TPTE: variants seen among roughly 807,000 people sequenced by gnomAD.
The protein encoded by TPTE is putative tyrosine-protein phosphatase TPTE.
A neutral mutation model predicts 84.1 loss-of-function variants in TPTE; 59 were observed. That is an observed-to-expected ratio of 0.70 (90% CI 0.57 to 0.87). TPTE has a LOEUF of 0.87. Among genes scored for constraint, TPTE ranks in the 40% least tolerant of loss-of-function variants. TPTE has a pLI of 0.00. For synonymous variants in TPTE, 130 were observed against 223.5 expected (o/e 0.58, Z 3.73); for missense variants, 382 against 659.6 (o/e 0.58, Z 4.61).
At chr21:10,546,747 G>A in intron 7 of TPTE, among the ~76,000 whole-genome samples, 1 of 152,306 alleles carries the variant, frequency 6.6e-6, no homozygotes, top group East Asian at 1.9e-4. Flanking sequence ...TCCAGGACAA[G>A]GCCCTCACTC....
intron 21 of TPTE, among the ~76,000 whole-genome samples, chr21:10,601,200 G>C (rs1377402874): frequency 3.7e-3 from 559 of 150,618 alleles, no homozygotes; most frequent in African/African-American, 0.013. Flanking sequence ...TTAAAAGTGC[G>C]GCACTTTTGA....
chr21:10,541,808 G>A (rs9325344), intron 5 of TPTE, among the ~76,000 whole-genome samples: 17,973 of 145,380 alleles, frequency 0.12, no homozygotes, highest in Middle Eastern at 0.2. Flanking sequence ...GGAGTGAGGA[G>A]GAGGTAGGAG....
chr21:10,594,487 T>C (rs1038026293), intron 19 of TPTE, among the ~76,000 whole-genome samples: 3 of 152,430 alleles, frequency 2.0e-5, no homozygotes, highest in African/African-American at 7.2e-5. Flanking sequence ...GTGTTGGTTG[T>C]ATTAATTTCT....
At chr21:10,569,890 T>A in intron 13 of TPTE, 144 bp downstream of exon 13, 1 of 1,579,350 alleles carries the variant, frequency 6.3e-7, no homozygotes, top group Non-Finnish European at 8.7e-7. Flanking sequence ...GTGACATATT[T>A]GTGGTTTAGC....
chr21:10,552,870 G>C (rs1279819997), intron 8 of TPTE, among the ~76,000 whole-genome samples, 154 bp downstream of exon 8: 15 of 152,414 alleles, frequency 9.8e-5, no homozygotes, highest in African/African-American at 3.6e-4. Context: ...TACTCCAGTT[G>C]AATTCTTAGA....
chr21:10,566,236 C>T (rs1433822409), intron 10 of TPTE, among the ~76,000 whole-genome samples: 2 of 152,308 alleles, frequency 1.3e-5, no homozygotes, highest in Non-Finnish European at 2.9e-5. Flanking sequence ...AGATGGTAAA[C>T]AGGCATATCA....
At chr21:10,560,037 C>G (rs1471182232) in intron 9 of TPTE, among the ~76,000 whole-genome samples, 1 of 152,300 alleles carries the variant, frequency 6.6e-6, no homozygotes, top group Non-Finnish European at 1.5e-5. Context: ...TGTGCCCCAT[C>G]TAATGTAATC....
chr21:10,598,651 G>A (rs1239886163), intron 21 of TPTE, among the ~76,000 whole-genome samples: 23 of 152,398 alleles, frequency 1.5e-4, no homozygotes, highest in Non-Finnish European at 3.2e-4. Context: ...CAATGCAAGA[G>A]TGAATGAACG....
intron 23 of TPTE, among the ~76,000 whole-genome samples, chr21:10,604,840 CAT>C (rs1489492908): frequency 2.6e-5 from 4 of 152,288 alleles, no homozygotes; most frequent in Non-Finnish European, 5.9e-5. Context: ...ATTTCTGTAA[CAT>C]TTAAATTTAC....
rs550790394 is a variant in TPTE, at chr21:10,552,938, T to A, written c.233+222T>A. 1.0e-4 allele frequency among the ~76,000 whole-genome samples: 16 copies of A among 152,424 alleles called. No individual in the cohort carries two copies. In the South Asian group the frequency reaches 2.1e-3, roughly 20 times the overall value. On this transcript the variant is annotated intron_variant, in intron 8 of 23. Coordinates refer to ENST00000618007, the MANE Select transcript of TPTE (RefSeq NM_199261.4). Reference sequence around the variant, plus strand: ...TTCAGAAATAAATGTTCTTCTAGCTTGAAAATGTAAAAAGTATTCTTAGAG... The same window carrying A: ...TTCAGAAATAAATGTTCTTCTAGCTAGAAAATGTAAAAAGTATTCTTAGAG...
chr21:10,535,541 A>G (rs2074252358), intron 3 of TPTE, among the ~76,000 whole-genome samples: 1 of 152,310 alleles, frequency 6.6e-6, no homozygotes, highest in Non-Finnish European at 1.5e-5. Flanking sequence ...AAGTCATGAA[A>G]GGGATGCTTC....
intron 17 of TPTE, among the ~76,000 whole-genome samples, chr21:10,578,959 G>A (rs1419541857): frequency 6.6e-6 from 1 of 152,308 alleles, no homozygotes; most frequent in African/African-American, 2.4e-5. Context: ...GTTATTTAAG[G>A]CTGATCTTTT....
chr21:10,544,282 A>G (rs892759019), intron 7 of TPTE, among the ~76,000 whole-genome samples: 2 of 152,312 alleles, frequency 1.3e-5, no homozygotes, highest in Admixed American at 6.5e-5. Flanking sequence ...AAGCAATAGC[A>G]TGTGAGTTTT....
intron 17 of TPTE, among the ~76,000 whole-genome samples, chr21:10,583,244 C>A (rs1394421748): frequency 6.6e-6 from 1 of 152,310 alleles, no homozygotes; most frequent in Admixed American, 6.5e-5. Flanking sequence ...CCAATACTTG[C>A]AATTCTGAGT....
intron 8 of TPTE, among the ~76,000 whole-genome samples, chr21:10,555,970 A>G (rs1435904058): frequency 3.9e-5 from 6 of 152,302 alleles, no homozygotes; most frequent in Non-Finnish European, 8.8e-5. Context: ...ATTCAAATCA[A>G]TACTATTATT....
At chr21:10,563,676 T>C (rs210530) in intron 10 of TPTE, among the ~76,000 whole-genome samples, 31,918 of 145,164 alleles carry the variant, frequency 0.22, 63 homozygotes, top group African/African-American at 0.47. Context: ...AGAAACTAAA[T>C]CATATCACCA....
intron 4 of TPTE, among the ~76,000 whole-genome samples, chr21:10,539,595 G>C (rs1220640254): frequency 3.9e-5 from 6 of 152,308 alleles, no homozygotes; most frequent in African/African-American, 1.4e-4. Context: ...TTGAGTCAGT[G>C]AGTCTTAGAT....
chr21:10,538,533 A>C, intron 3 of TPTE, 148 bp from the exon 4 acceptor site: 1 of 1,260,354 alleles, frequency 7.9e-7, no homozygotes, highest in Admixed American at 2.1e-5. Context: ...TTAATTAAAA[A>C]ATGACATTTC....
chr21:10,601,983 A>G, intron 21 of TPTE, 75 bp from the exon 22 acceptor site: 1 of 1,494,740 alleles, frequency 6.7e-7, no homozygotes, highest in Non-Finnish European at 9.3e-7. Context: ...ACAGGAAGTC[A>G]TGATAAGTGA....
Sources: allele counts gnomAD v4.1 joint callset (sites outside exome capture counted in the v4.1 genomes callset), GRCh38; gene constraint gnomAD v4.1.1; transcripts MANE v1.5; gene names NCBI Gene and HGNC (gene_info 2026-07-23, HGNC 2026-07-21).